The following CCSAP variants were observed in gnomAD, a reference collection of about 807,000 sequenced individuals.
The protein encoded by CCSAP is centriole, cilia and spindle-associated protein.
Under a neutral mutation model 25.9 loss-of-function variants are expected in CCSAP, and 17 were observed. The observed-to-expected ratio is 0.66, with a 90% CI of 0.45 to 0.99. CCSAP has a LOEUF of 0.99. Among genes scored for constraint, CCSAP ranks in the 50% least tolerant of loss-of-function variants. The probability of loss-of-function intolerance (pLI) is 0.00; values close to 1 mark genes in which losing one functional copy is unlikely to be tolerated. For synonymous variants in CCSAP, 169 were observed against 157.1 expected, an observed-to-expected ratio of 1.08 and a Z score of -0.57; for missense variants, 339 against 367.8, an observed-to-expected ratio of 0.92 and a Z score of 0.64.
intron 2 of CCSAP, among the ~76,000 whole-genome samples, chr1:229,327,867 C>CAAAAA (rs765651478): frequency 1.1e-5 from 1 of 91,792 alleles, no homozygotes; most frequent in Admixed American, 1.3e-4. Context: ...GACTCCGTCT[C>CAAAAA]AAAAAAAAAA....
intron 2 of CCSAP, among the ~76,000 whole-genome samples, chr1:229,333,219 T>C (rs1267202818): frequency 6.6e-6 from 1 of 150,762 alleles, no homozygotes; most frequent in Non-Finnish European, 1.5e-5. Flanking sequence ...GATCACGAGG[T>C]CAGGAGATAG....
intron 2 of CCSAP, among the ~76,000 whole-genome samples, chr1:229,337,678 A>AAAAAAAAAAAAAAAAAAAAAAATTTAC: frequency 1.5e-5 from 1 of 65,548 alleles, no homozygotes; most frequent in African/African-American, 6.0e-5. Flanking sequence ...CTCAAAAAAA[A>AAAAAAAAAAAAAAAAAAAAAAATTTAC]ATATATATAT....
At chr1:229,341,626 G>T (rs1186750101) in intron 2 of CCSAP, among the ~76,000 whole-genome samples, 1 of 152,214 alleles carries the variant, frequency 6.6e-6, no homozygotes, top group Non-Finnish European at 1.5e-5. Context: ...GCGTAGCGAG[G>T]TCGGGGAGTT....
chr1:229,338,906 C>T (rs929186265), intron 2 of CCSAP, among the ~76,000 whole-genome samples: 2 of 151,460 alleles, frequency 1.3e-5, no homozygotes, highest in African/African-American at 2.4e-5. Context: ...AGAGCTCTTA[C>T]ATTTAAAAGA....
At chr1:229,340,757 C>T (rs1358459099) in intron 2 of CCSAP, 3 of 266,204 alleles carry the variant, frequency 1.1e-5, no homozygotes, top group East Asian at 6.7e-5. Flanking sequence ...CAAAGCAACC[C>T]GGCTCATAGC....
rs746009788 is a variant in CCSAP at position 229,322,611 on chromosome 1, C to T, written c.*2624G>A. 4 of 152,078 alleles carry T rather than the reference C, an allele frequency of 2.6e-5. No homozygotes were observed. Among genetic ancestry groups the T allele is most frequent in the Non-Finnish European group, 5.9e-5 (4 of 68,010 alleles). 9.4% of individuals were successfully genotyped at this position (152,078 alleles called of 1,614,324 possible). ...TAGAAATTTTAGGGGGGAGAACACA[C>T]ATAACATACATATAACCAGAGGTGC... On this transcript the variant is annotated 3_prime_UTR_variant, in exon 4 of 4. Coordinates refer to ENST00000284617, the MANE Select transcript of CCSAP (RefSeq NM_145257.5).
chr1:229,342,117 C>A lies in CCSAP; in HGVS notation c.349G>T (p.Glu117Ter). Residue 117 changes from glutamate to a stop codon, truncating the protein, a stop_gained, in exon 2 of 4, where the codon GAG (glutamate) becomes TAG (stop). Coordinates refer to ENST00000284617, the MANE Select transcript of CCSAP (RefSeq NM_145257.5). LOFTEE classifies it high-confidence loss of function. This position sits in a 1 kb window ranked among gnomAD's most constrained non-coding sequence, Gnocchi z 7.5. Reference sequence around the variant, plus strand: ...CGGGTACCTGGCAGAGCCGCGTCCTCCGCGTCCTCGGCCTCCGCGTCCCCG... The same window carrying A: ...CGGGTACCTGGCAGAGCCGCGTCCTACGCGTCCTCGGCCTCCGCGTCCCCG... Reference protein sequence around the residue: ...EAGDAEAEDAEDAALPALPVK... With the variant: ...EAGDAEAEDA The A allele has an allele frequency of 7.4e-7, 1 of 1,349,506 alleles. No homozygotes were observed. Among genetic ancestry groups the A allele is most frequent in the South Asian group, 2.1e-5 (1 of 48,508 alleles). The allele number at this position is 1,349,506 out of a possible 1,614,324, so 83.6% of individuals were successfully genotyped here. A position where few individuals can be genotyped will look rare whatever the true frequency, so the allele number is the denominator to read the frequency against.
rs572723288 is a variant in CCSAP at position 229,322,880 on chromosome 1, T to A, written c.*2355A>T. On this transcript the variant is annotated 3_prime_UTR_variant, in exon 4 of 4. Coordinates refer to ENST00000284617, the MANE Select transcript of CCSAP (RefSeq NM_145257.5). ...AGCATTTATTTTAAATATCATTGGG[T>A]TCTCTGTTTCAGACTTTTTCAACAT... The A allele has an allele frequency of 1.8e-4, 27 of 152,340 alleles. No homozygotes were observed. Among genetic ancestry groups the A allele is most frequent in the African/African-American group, 6.3e-4 (26 of 41,592 alleles). The allele number at this position is 152,340 out of a possible 1,614,324, so 9.4% of individuals were successfully genotyped here.
chr1:229,337,702 C>CATAAATATAT (rs1394833041), intron 2 of CCSAP, among the ~76,000 whole-genome samples: 5 of 48,564 alleles, frequency 1.0e-4, no homozygotes, highest in African/African-American at 1.7e-4. Context: ...TATATATACA[C>CATAAATATAT]ATACATATAT....
At chr1:229,328,707 A>G (rs901823561) in intron 2 of CCSAP, among the ~76,000 whole-genome samples, 3 of 152,298 alleles carry the variant, frequency 2.0e-5, no homozygotes, top group Middle Eastern at 3.4e-3. Context: ...ACTCTTGTCT[A>G]TTTCTACTTC....
At chr1:229,331,793 A>ATTT (rs1450479960) in intron 2 of CCSAP, among the ~76,000 whole-genome samples, 2 of 88,134 alleles carry the variant, frequency 2.3e-5, no homozygotes, top group Non-Finnish European at 5.1e-5. Context: ...TCCTTTTATT[A>ATTT]TTATTATTAT....
chr1:229,340,496 A>G (rs1374577543), intron 2 of CCSAP: 1 of 710,224 alleles, frequency 1.4e-6, no homozygotes. Flanking sequence ...ATCACAAACA[A>G]TAAAAGATCG....
intron 2 of CCSAP, among the ~76,000 whole-genome samples, chr1:229,341,011 T>A (rs1443305476): frequency 6.6e-6 from 1 of 151,934 alleles, no homozygotes; most frequent in African/African-American, 2.4e-5. Context: ...CTGACCAACA[T>A]GGTGAAACCC....
chr1:229,331,878 C>T (rs946932473), intron 2 of CCSAP, among the ~76,000 whole-genome samples: 5 of 151,144 alleles, frequency 3.3e-5, no homozygotes, highest in Admixed American at 1.3e-4. Context: ...TGCAATGGCG[C>T]GATCTCAGCT....
intron 2 of CCSAP, among the ~76,000 whole-genome samples, chr1:229,337,670 C>CAAAAA (rs539736168): frequency 4.1e-4 from 23 of 56,016 alleles, no homozygotes; most frequent in East Asian, 7.4e-4. Context: ...ATCAAAGGCT[C>CAAAAA]AAAAAAAAAT....
rs1427442263 is a variant in CCSAP at position 229,326,960 on chromosome 1, T to C, written c.414A>G (p.Arg138=). 5 of 1,614,082 alleles carry C rather than the reference T, an allele frequency of 3.1e-6. No homozygotes were observed. Among genetic ancestry groups the C allele is most frequent in the Admixed American group, 3.3e-5 (2 of 59,998 alleles). Residue 138 remains arginine, a synonymous_variant, in exon 3 of 4, where the codon AGA becomes AGG. Coordinates refer to ENST00000284617, the MANE Select transcript of CCSAP (RefSeq NM_145257.5). ...TGGGTGATTTGTCAGTCTCTCTTGT[T>C]CTGGTTTGTTGTTCAGGTTTATCTT... is the stretch of plus-strand genomic sequence containing the variant. ...DVEDKPEQQT[R]TRETDKSPTS... is the part of the protein sequence containing the mutation.
At chr1:229,337,809 A>G (rs1658231848) in intron 2 of CCSAP, among the ~76,000 whole-genome samples, 1 of 149,612 alleles carries the variant, frequency 6.7e-6, no homozygotes, top group Non-Finnish European at 1.5e-5. Flanking sequence ...GGCAAGTTTC[A>G]TAGTACTATC....
At chr1:229,330,658 C>G (rs369141881) in intron 2 of CCSAP, among the ~76,000 whole-genome samples, 2 of 151,830 alleles carry the variant, frequency 1.3e-5, no homozygotes, top group East Asian at 3.9e-4. Flanking sequence ...CTGGCTAACA[C>G]GGTGAAACCT....
At position 229,342,238 on chromosome 1, in the gene CCSAP, G is replaced by T; in HGVS notation, c.228C>A (p.Cys76Ter). 4.0e-6 allele frequency: 5 copies of T among 1,265,280 alleles called. No homozygotes were observed. The highest frequency in any genetic ancestry group is 5.0e-6 in the Non-Finnish European group (5 of 1,008,500). 78.4% of individuals were successfully genotyped at this position (1,265,280 alleles called of 1,614,324 possible). ...CGGGCGGCGGGGGCGAGGGCGGGGC[G>T]CACCGGGGTGCGGGGCCCCCGGCGC... ...SSGAGGPAPR[C>*]APPSPPPPVE... Residue 76 changes from cysteine to a stop codon, truncating the protein, a stop_gained, in exon 2 of 4, where the codon TGC (cysteine) becomes TGA (stop). Coordinates refer to ENST00000284617, the MANE Select transcript of CCSAP (RefSeq NM_145257.5). LOFTEE classifies it high-confidence loss of function. This position sits in a 1 kb window ranked among gnomAD's most constrained non-coding sequence, Gnocchi z 7.5.
Sources: allele counts gnomAD v4.1 joint callset (sites outside exome capture counted in the v4.1 genomes callset), GRCh38; gene constraint gnomAD v4.1.1; non-coding constraint Gnocchi (gnomAD v3.1); transcripts MANE v1.5; gene names NCBI Gene and HGNC (gene_info 2026-07-23, HGNC 2026-07-21).